PPARA: variants seen among roughly 807,000 people sequenced by gnomAD.
PPARA encodes peroxisome proliferator-activated receptor alpha.
In PPARA, 22 loss-of-function variants were observed where a neutral mutation model predicts 42.2. The observed-to-expected ratio is 0.52, with a 90% confidence interval of 0.37 to 0.74. The LOEUF (loss-of-function observed/expected upper bound fraction) is 0.74, where lower values mean the gene tolerates loss of function less well. PPARA is among the 30% of genes least tolerant of loss of function. PPARA has a pLI of 0.00. For missense variants in PPARA, 465 were observed against 608.2 expected, an observed-to-expected ratio of 0.76 and a Z score of 2.48; for synonymous variants, 242 against 239.3, an observed-to-expected ratio of 1.01 and a Z score of -0.10.
Position 46,235,326 on chromosome 22 carries a change from G to C in PPARA, c.1353G>C (p.Glu451Asp), listed in dbSNP as rs760361706. 2 of 1,614,126 alleles carry C rather than the reference G, an allele frequency of 1.2e-6. No individual in the cohort carries two copies. Among genetic ancestry groups the C allele is most frequent in the South Asian group, 2.2e-5 (2 of 91,086 alleles). Residue 451 changes from glutamate to aspartate, a missense_variant, in exon 9 of 9, where the codon GAG (glutamate) becomes GAC (aspartate). Transcript: ENST00000407236. This position sits in a 1 kb window ranked among gnomAD's most constrained non-coding sequence, Gnocchi z 7.0. ...TGGTGCAGATCATCAAGAAGACGGA[G>C]TCGGATGCTGCGCTGCACCCGCTAC... is the stretch of plus-strand genomic sequence containing the variant. ...AQLVQIIKKTESDAALHPLLQ... is the reference protein window; with the variant it reads ...AQLVQIIKKTDSDAALHPLLQ...
chr22:46,177,971 A>G (rs1214617530), intron 3 of PPARA, among the ~76,000 whole-genome samples: 1 of 152,136 alleles, frequency 6.6e-6, no homozygotes, highest in African/African-American at 2.4e-5. Context: ...CTAAGGATTT[A>G]TATCAGGATC....
chr22:46,165,613 C>A lies in PPARA; in HGVS notation c.-126-11140C>A, dbSNP rs1476991254. Among the ~76,000 whole-genome samples, 3 of 152,132 alleles carry A rather than the reference C, an allele frequency of 2.0e-5. No homozygotes were observed. Among genetic ancestry groups the A allele is most frequent in the African/African-American group, 7.2e-5 (3 of 41,506 alleles). ...ACATCCCAAACTTTGGATTGGGACCCAAAAAAGCTCCATCCCAGGAGTACA... is the reference window on the plus strand; with the variant it reads ...ACATCCCAAACTTTGGATTGGGACCAAAAAAAGCTCCATCCCAGGAGTACA... On this transcript the variant is annotated intron_variant, in intron 2 of 8. Coordinates refer to ENST00000407236, the MANE Select transcript of PPARA (RefSeq NM_005036.6). The surrounding 1 kb of genome is among the most constrained non-coding windows in gnomAD (Gnocchi z 5.5).
At position 46,242,456 on chromosome 22, in the gene PPARA, A is replaced by C. The variant is rs1386030369; in HGVS notation, c.*7076A>C. The stretch of plus-strand genomic sequence containing the variant: ...GTAGTACTCTTTTTGGTAAAGTTAC[A>C]GTGTTCATGTTAAATATCACTTTTT... On this transcript the variant is annotated 3_prime_UTR_variant, in exon 9 of 9. Coordinates refer to ENST00000407236, the MANE Select transcript of PPARA (RefSeq NM_005036.6). The surrounding 1 kb of genome is among the most constrained non-coding windows in gnomAD (Gnocchi z 6.1). 6.5e-6 allele frequency: 1 copy of C among 152,690 alleles called. No individual in the cohort carries two copies. Among genetic ancestry groups the C allele is most frequent in the African/African-American group, 2.4e-5 (1 of 41,460 alleles). The allele number at this position is 152,690 out of a possible 1,614,324, so 9.5% of individuals were successfully genotyped here.
intron 2 of PPARA, among the ~76,000 whole-genome samples, chr22:46,168,283 C>A (rs1468191921): frequency 8.1e-6 from 1 of 123,090 alleles, no homozygotes; most frequent in Non-Finnish European, 1.6e-5. Flanking sequence ...ACCTGGGAGG[C>A]GGAGCTTGCA....
At position 46,204,298 on chromosome 22, in the gene PPARA, T is replaced by C. The variant is rs982600009; in HGVS notation, c.208+5707T>C. Reference sequence around the variant, plus strand: ...TTATGGCTATTACAAATAAAGCTGCTATGAACATTCACGTACAAGTCTCTG... The same window carrying C: ...TTATGGCTATTACAAATAAAGCTGCCATGAACATTCACGTACAAGTCTCTG... On this transcript the variant is annotated intron_variant, in intron 4 of 8. Transcript: ENST00000407236. This position sits in a 1 kb window ranked among gnomAD's most constrained non-coding sequence, Gnocchi z 5.2. Among the ~76,000 whole-genome samples the C allele has an allele frequency of 6.6e-6, 1 of 152,260 alleles. No individual in the cohort carries two copies. The highest frequency in any genetic ancestry group is 1.5e-5 in the Non-Finnish European group (1 of 68,046).
Position 46,187,132 on chromosome 22 carries a change from G to C in PPARA, c.-43+10296G>C, listed in dbSNP as rs1409445161. ...TGAGGTTGGCCTTGCAGCCTCTCTA[G>C]GCACTGCTGCTGCTGCTAAGAACCC... On this transcript the variant is annotated intron_variant, in intron 3 of 8. Coordinates refer to ENST00000407236, the MANE Select transcript of PPARA (RefSeq NM_005036.6). This position sits in a 1 kb window ranked among gnomAD's most constrained non-coding sequence, Gnocchi z 4.9. 1.3e-5 allele frequency among the ~76,000 whole-genome samples: 2 copies of C among 152,174 alleles called. No homozygotes were observed. Among genetic ancestry groups the C allele is most frequent in the African/African-American group, 4.8e-5 (2 of 41,438 alleles).
At position 46,198,282 on chromosome 22, in the gene PPARA, AAAC is replaced by A. The variant is rs936747505; in HGVS notation, c.-42-57_-42-55del. ...TAAATAAATAAATAATAAAAAATAAAAACAAACAAGTGAACGTTGTTATACGTC... is the reference window on the plus strand; with the variant it reads ...TAAATAAATAAATAATAAAAAATAAAAAACAAGTGAACGTTGTTATACGTC... On this transcript the variant is annotated intron_variant, in intron 3 of 8. Coordinates refer to ENST00000407236, the MANE Select transcript of PPARA (RefSeq NM_005036.6). The A allele has an allele frequency of 1.3e-4, 98 of 734,708 alleles. No homozygotes were observed. In the African/African-American group the frequency reaches 1.7e-3, roughly 13 times the overall value. 45.5% of individuals were successfully genotyped at this position (734,708 alleles called of 1,614,324 possible).
chr22:46,215,341 G>C lies in PPARA; in HGVS notation c.369+8G>C, dbSNP rs758424178. 1.9e-6 allele frequency: 3 copies of C among 1,614,118 alleles called. No individual in the cohort carries two copies. Among genetic ancestry groups the C allele is most frequent in the Non-Finnish European group, 2.5e-6 (3 of 1,180,008 alleles). On this transcript the variant is annotated splice_region_variant and intron_variant, in intron 5 of 8. Transcript: ENST00000407236. ...GCGTGTGAAGGCTGCAAGGTAGAGG[G>C]GAGCTGGAACAGGGCCTGGTGGCCG... is the stretch of plus-strand genomic sequence containing the variant.
At position 46,195,815 on chromosome 22, in the gene PPARA, C is replaced by T. The variant is rs995668867; in HGVS notation, c.-42-2527C>T. 7.9e-5 allele frequency among the ~76,000 whole-genome samples: 12 copies of T among 152,160 alleles called. No homozygotes were observed. Among genetic ancestry groups the T allele is most frequent in the African/African-American group, 2.7e-4 (11 of 41,438 alleles). On this transcript the variant is annotated intron_variant, in intron 3 of 8. Transcript: ENST00000407236. The surrounding 1 kb of genome is among the most constrained non-coding windows in gnomAD (Gnocchi z 4.6). ...AGCAGCACATACCCCCGAGCCTCTC[C>T]GTGGTGTGCGCCGTGGGCACCATGT...
At position 46,242,403 on chromosome 22, in the gene PPARA, C is replaced by T. The variant is rs1936396682; in HGVS notation, c.*7023C>T. On this transcript the variant is annotated 3_prime_UTR_variant, in exon 9 of 9. Transcript: ENST00000407236. This position sits in a 1 kb window ranked among gnomAD's most constrained non-coding sequence, Gnocchi z 6.1. ...TTAAGGCACAGTCAGTTCCTTTTCT[C>T]ATGTACCTCACAAAAGATGAAGACC... 6.6e-6 allele frequency: 1 copy of T among 152,620 alleles called. No homozygotes were observed. Among genetic ancestry groups the T allele is most frequent in the Non-Finnish European group, 1.5e-5 (1 of 68,026 alleles). The allele number at this position is 152,620 out of a possible 1,614,324, so 9.5% of individuals were successfully genotyped here. A position where few individuals can be genotyped will look rare whatever the true frequency, so the allele number is the denominator to read the frequency against.
rs532001764 is a variant in PPARA at position 46,216,812 on chromosome 22, G to A, written c.370-1451G>A. 4.6e-5 allele frequency among the ~76,000 whole-genome samples: 7 copies of A among 152,348 alleles called. No individual in the cohort carries two copies. In the South Asian group the frequency reaches 6.2e-4, roughly 14 times the overall value. The stretch of plus-strand genomic sequence containing the variant: ...TGGTGGCCCTTCCGTGTTTGTCAGC[G>A]TGGTGATGAGGAGAGCTCCTGTAGC... On this transcript the variant is annotated intron_variant, in intron 5 of 8. Coordinates refer to ENST00000407236, the MANE Select transcript of PPARA (RefSeq NM_005036.6). The surrounding 1 kb of genome is among the most constrained non-coding windows in gnomAD (Gnocchi z 4.5).
chr22:46,171,765 G>C lies in PPARA; in HGVS notation c.-126-4988G>C, dbSNP rs1453244673. 6.6e-6 allele frequency among the ~76,000 whole-genome samples: 1 copy of C among 152,204 alleles called. No individual in the cohort carries two copies. The highest frequency in any genetic ancestry group is 2.4e-5 in the African/African-American group (1 of 41,452). On this transcript the variant is annotated intron_variant, in intron 2 of 8. Coordinates refer to ENST00000407236, the MANE Select transcript of PPARA (RefSeq NM_005036.6). The surrounding 1 kb of genome is among the most constrained non-coding windows in gnomAD (Gnocchi z 5.0). ...AGGTCCCAGGGGAGAGGCAGGACCA[G>C]TCTCGTGGAGGTCGGGGCCGTTGTG...
chr22:46,215,095 T>C (rs1458168685), intron 4 of PPARA, 78 bp from the exon 5 acceptor site: 1 of 1,556,926 alleles, frequency 6.4e-7, no homozygotes, highest in African/African-American at 1.4e-5. Context: ...GTATGCGAAA[T>C]CACATCCTCA....
At chr22:46,152,132 AT>A (rs780789203) in intron 2 of PPARA, among the ~76,000 whole-genome samples, 162 bp downstream of exon 2, 1,572 of 104,662 alleles carry the variant, frequency 0.015, 13 homozygotes, top group African/African-American at 0.051. Context: ...GCATGGATTC[AT>A]TTTTTTTTTT....
chr22:46,169,351 C>T (rs1261022793), intron 2 of PPARA, among the ~76,000 whole-genome samples: 2 of 152,004 alleles, frequency 1.3e-5, no homozygotes, highest in Non-Finnish European at 1.5e-5. Context: ...TCTCCTGCTT[C>T]AGCCTCCGGA....
At chr22:46,186,806 C>A (rs1052081556) in intron 3 of PPARA, among the ~76,000 whole-genome samples, 1 of 152,040 alleles carries the variant, frequency 6.6e-6, no homozygotes, top group African/African-American at 2.4e-5. Context: ...ACACTCCAAG[C>A]CCCCACAGTG....
rs1280216831 is a variant in PPARA, at chr22:46,200,140, G to C, written c.208+1549G>C. On this transcript the variant is annotated intron_variant, in intron 4 of 8. Coordinates refer to ENST00000407236, the MANE Select transcript of PPARA (RefSeq NM_005036.6). The surrounding 1 kb of genome is among the most constrained non-coding windows in gnomAD (Gnocchi z 4.8). ...AGTCACCTCCTGAGCAAGATGGAGG[G>C]AGAACTGGGGAGGGGTCCCATGGGG... Among the ~76,000 whole-genome samples the C allele has an allele frequency of 6.6e-6, 1 of 152,234 alleles. No individual in the cohort carries two copies. The highest frequency in any genetic ancestry group is 1.5e-5 in the Non-Finnish European group (1 of 68,040).
intron 4 of PPARA, among the ~76,000 whole-genome samples, chr22:46,209,311 A>T (rs1224373557): frequency 6.6e-6 from 1 of 151,822 alleles, no homozygotes; most frequent in East Asian, 1.9e-4. Context: ...TTCTTCCTTT[A>T]TGCTCCTTGT....
chr22:46,168,959 AC>A (rs1927548852), intron 2 of PPARA, among the ~76,000 whole-genome samples: 1 of 151,964 alleles, frequency 6.6e-6, no homozygotes, highest in South Asian at 2.1e-4. Context: ...TTCCAAGGCT[AC>A]ACATTATGGG....
Sources: allele counts gnomAD v4.1 joint callset (sites outside exome capture counted in the v4.1 genomes callset), GRCh38; gene constraint gnomAD v4.1.1; non-coding constraint Gnocchi (gnomAD v3.1); transcripts MANE v1.5; gene names NCBI Gene and HGNC (gene_info 2026-07-23, HGNC 2026-07-21).